The following CFAP206 variants were observed in gnomAD, a reference collection of about 807,000 sequenced individuals.
CFAP206 encodes cilia and flagella associated protein 206.
CFAP206 carries 53 observed loss-of-function variants against 65.4 expected under a neutral mutation model. That is an observed-to-expected ratio of 0.81 (90% confidence interval 0.65 to 1.02). The LOEUF is 1.02. CFAP206 is among the 50% of genes least tolerant of loss of function. The pLI is 0.00. For synonymous variants in CFAP206, 250 were observed against 254.4 expected (o/e 0.98, Z 0.17); for missense variants, 663 against 753.2 (o/e 0.88, Z 1.40).
At chr6:87,443,328 T>A (rs1002868803) in intron 11 of CFAP206, among the ~76,000 whole-genome samples, 1 of 152,146 alleles carries the variant, frequency 6.6e-6, no homozygotes, top group Non-Finnish European at 1.5e-5. Context: ...ATATTGTTTA[T>A]TTGAGTCTTC....
At chr6:87,436,586 G>C (rs973457723) in intron 11 of CFAP206, 1 of 152,998 alleles carries the variant, frequency 6.5e-6, no homozygotes, top group African/African-American at 2.4e-5. Context: ...GTGGGGGGAA[G>C]TATGGTAGTC....
intron 10 of CFAP206, among the ~76,000 whole-genome samples, chr6:87,434,425 A>G (rs907390070): frequency 9.9e-5 from 15 of 151,914 alleles, no homozygotes; most frequent in Admixed American, 5.2e-4. Flanking sequence ...TCTCAAAAAA[A>G]AAAAAAAATG....
chr6:87,410,547 C>A, intron 2 of CFAP206, 38 bp from the exon 3 acceptor site: 2 of 1,423,568 alleles, frequency 1.4e-6, no homozygotes, highest in South Asian at 1.2e-5. Flanking sequence ...TTAATGGATT[C>A]TTTCCTAGTT....
chr6:87,452,060 G>A (rs1257786787), intron 11 of CFAP206, among the ~76,000 whole-genome samples: 1 of 152,140 alleles, frequency 6.6e-6, no homozygotes, highest in Non-Finnish European at 1.5e-5. Flanking sequence ...CCCCAGTGGT[G>A]GTGTACAAGG....
intron 11 of CFAP206, among the ~76,000 whole-genome samples, chr6:87,437,436 T>G (rs930858006): frequency 1.3e-5 from 2 of 152,196 alleles, no homozygotes. Context: ...CCTTGTCTAT[T>G]CTAAATATTA....
At chr6:87,432,643 C>T (rs1297641687) in intron 10 of CFAP206, among the ~76,000 whole-genome samples, 2 of 152,146 alleles carry the variant, frequency 1.3e-5, no homozygotes, top group African/African-American at 2.4e-5. Context: ...TATGAAATCT[C>T]ACACCTTCTG....
intron 11 of CFAP206, among the ~76,000 whole-genome samples, chr6:87,437,782 T>G (rs1319680080): frequency 2.6e-5 from 4 of 151,248 alleles, no homozygotes; most frequent in Non-Finnish European, 5.9e-5. Flanking sequence ...TGAGCTTTTG[T>G]GTAGCTGAGA....
rs536315337 is a variant in CFAP206, at chr6:87,435,049, C to T, written c.1490C>T (p.Ser497Phe). ...CAGTTTGAAACATTTATTCCATATT[C>T]TCAGGTAAGCAGGGTCAATATTTTA... ...HQQFETFIPY[S>F]QMRDADKHYI... is the part of the protein sequence containing the mutation. The change falls in exon 11 of 13, where the codon TCT (serine) becomes TTT (phenylalanine). Residue 497 changes from serine to phenylalanine, a missense_variant. By Grantham distance (155) the Ser-to-Phe change is radical. Transcript: ENST00000369562. 2 of 1,574,460 alleles carry T rather than the reference C, an allele frequency of 1.3e-6. No homozygotes were observed. Among genetic ancestry groups the T allele is most frequent in the Admixed American group, 1.8e-5 (1 of 55,112 alleles).
At chr6:87,441,041 T>G (rs1460051492) in intron 11 of CFAP206, 1 of 153,592 alleles carries the variant, frequency 6.5e-6, no homozygotes, top group African/African-American at 2.4e-5. Context: ...GATTAAACTA[T>G]AGTACATGTG....
At chr6:87,420,638 C>T (rs944164012) in intron 7 of CFAP206, among the ~76,000 whole-genome samples, 5 of 152,290 alleles carry the variant, frequency 3.3e-5, no homozygotes, top group Middle Eastern at 3.4e-3. Context: ...CCTGGTGCAA[C>T]GGCTCAATAA....
chr6:87,434,154 C>T (rs912416234), intron 10 of CFAP206, among the ~76,000 whole-genome samples: 4 of 151,892 alleles, frequency 2.6e-5, no homozygotes, highest in African/African-American at 9.7e-5. Flanking sequence ...GTAATCCCAG[C>T]ACTTCGGGAG....
In CFAP206 at chr6:87,434,909, C is replaced by T. The variant is rs1353533595; in HGVS notation, c.1350C>T (p.Phe450=). 1.8e-5 allele frequency: 27 copies of T among 1,516,328 alleles called. No individual in the cohort carries two copies. Among genetic ancestry groups the T allele is most frequent in the Non-Finnish European group, 2.1e-5 (23 of 1,106,068 alleles). 93.9% of individuals were successfully genotyped at this position (1,516,328 alleles called of 1,614,324 possible). A position where few individuals can be genotyped will look rare whatever the true frequency, so the allele number is the denominator to read the frequency against. Residue 450 remains phenylalanine, a synonymous_variant, in exon 11 of 13, where the codon TTC becomes TTT. Transcript: ENST00000369562. ...AATATAAAGAAAAATATTACACATT[C>T]AATAGTAAAGATGCTGCATATTCAT... The part of the protein sequence containing the change: ...ILKYKEKYYT[F]NSKDAAYSFA...
intron 5 of CFAP206, among the ~76,000 whole-genome samples, chr6:87,416,286 C>T (rs1169195638): frequency 2.6e-5 from 4 of 152,176 alleles, no homozygotes; most frequent in Non-Finnish European, 4.4e-5. Context: ...CTTAGGAAGT[C>T]TTTGCCCTCT....
chr6:87,438,043 A>C (rs1013718744), intron 11 of CFAP206, among the ~76,000 whole-genome samples: 1 of 152,004 alleles, frequency 6.6e-6, no homozygotes, highest in Admixed American at 6.6e-5. Context: ...AGGAAATGAT[A>C]TTTGTTCAGG....
Position 87,415,841 on chromosome 6 carries a change from C to T in CFAP206, c.439C>T (p.Pro147Ser). The T allele has an allele frequency of 1.2e-6, 2 of 1,603,052 alleles. No homozygotes were observed. Among genetic ancestry groups the T allele is most frequent in the East Asian group, 2.2e-5 (1 of 44,684 alleles). ...GTTACTCCGCTCTGGCCTTGGATCC[C>T]CTACAGACATCAAGACTGTCAGAGA... ...YVLLRSGLGS[P>S]TDIKTVREVT... is the part of the protein sequence containing the mutation. The change falls in exon 5 of 13, where the codon CCT (proline) becomes TCT (serine). Residue 147 changes from proline to serine, a missense_variant. Physicochemically the swap from Pro to Ser is moderately conservative, Grantham distance 74 (BLOSUM62 -1). Transcript: ENST00000369562.
intron 3 of CFAP206, among the ~76,000 whole-genome samples, chr6:87,413,388 T>A (rs916710306): frequency 6.6e-6 from 1 of 152,212 alleles, no homozygotes; most frequent in Non-Finnish European, 1.5e-5. Flanking sequence ...AAATACCACA[T>A]GTTCTCACTT....
chr6:87,457,768 G>A (rs1768673903), intron 11 of CFAP206, among the ~76,000 whole-genome samples: 1 of 152,188 alleles, frequency 6.6e-6, no homozygotes, highest in South Asian at 2.1e-4. Context: ...ACTGGGCAAA[G>A]ATTTCTTGGG....
chr6:87,450,971 C>T (rs1768532744), intron 11 of CFAP206, among the ~76,000 whole-genome samples: 1 of 152,168 alleles, frequency 6.6e-6, no homozygotes, highest in Non-Finnish European at 1.5e-5. Context: ...GGGCAGAATT[C>T]GGCCAGTGCC....
At chr6:87,408,112 G>A in intron 1 of CFAP206, 23 bp downstream of exon 1, 1 of 981,196 alleles carries the variant, frequency 1.0e-6, no homozygotes, top group Non-Finnish European at 1.2e-6. Context: ...GGGGCTCCGC[G>A]CCCTTGACCC....
Sources: allele counts gnomAD v4.1 joint callset (sites outside exome capture counted in the v4.1 genomes callset), GRCh38; gene constraint gnomAD v4.1.1; transcripts MANE v1.5; gene names NCBI Gene and HGNC (gene_info 2026-07-23, HGNC 2026-07-21).